The following NLGN3 variants were observed in gnomAD, a reference collection of about 807,000 sequenced individuals.
NLGN3 encodes the protein neuroligin 3.
In NLGN3, 11 loss-of-function variants were observed where a neutral mutation model predicts 42.9. That is an observed-to-expected ratio of 0.26 (90% CI 0.16 to 0.42). The LOEUF (loss-of-function observed/expected upper bound fraction) is 0.42, where lower values mean the gene tolerates loss of function less well. NLGN3 is among the 10% of genes least tolerant of loss of function. The pLI, the probability that NLGN3 is intolerant of heterozygous loss-of-function variation, is 1.00. For synonymous variants in NLGN3, 279 were observed against 312.7 expected (o/e 0.89, Z 1.14); for missense variants, 374 against 733.8 (o/e 0.51, Z 5.67).
At chrX:71,148,347 C>T in intron 2 of NLGN3, 141 bp downstream of exon 2, 1 of 506,095 alleles carries the variant, frequency 2.0e-6, no homozygotes, top group South Asian at 2.7e-5. Flanking sequence ...TGCTTGGCCT[C>T]CCACCCCCCT....
intron 5 of NLGN3, among the ~76,000 whole-genome samples, chrX:71,157,717 C>A (rs956200490): frequency 1.8e-5 from 2 of 111,449 alleles, no homozygotes; most frequent in Admixed American, 9.6e-5. Flanking sequence ...ATGCCCAGAA[C>A]GGCAATCTTC....
chrX:71,171,713 T>A, downstream of NLGN3: 2 of 725,910 alleles, frequency 2.8e-6, no homozygotes, highest in Non-Finnish European at 3.3e-6. Flanking sequence ...GGCCCTCTCC[T>A]TCCCCAGGGA....
At position 71,164,247 on chromosome X, in the gene NLGN3, G is replaced by A; in HGVS notation, c.832G>A (p.Asp278Asn). The change falls in exon 6 of 8, where the codon GAC (aspartate) becomes AAC (asparagine). Residue 278 changes from aspartate (D) to asparagine (N), a missense_variant. Physicochemically the swap from Asp to Asn is conservative, Grantham distance 23 (BLOSUM62 1). Transcript: ENST00000358741. ...VSENIAFFGG[D>N]PRRITVFGSG... ...CGAGAATATTGCCTTCTTCGGGGGAGACCCCCGCCGGATCACTGTCTTTGG... is the reference window on the plus strand; with the variant it reads ...CGAGAATATTGCCTTCTTCGGGGGAAACCCCCGCCGGATCACTGTCTTTGG... The A allele has an allele frequency of 8.3e-7, 1 of 1,211,994 alleles. No individual in the cohort carries two copies. The highest frequency in any genetic ancestry group is 1.1e-6 in the Non-Finnish European group (1 of 895,210).
At chrX:71,168,814 GAAA>G (rs200152352) in intron 7 of NLGN3, among the ~76,000 whole-genome samples, 1 of 40,457 alleles carries the variant, frequency 2.5e-5, no homozygotes, top group Non-Finnish European at 6.0e-5. Context: ...GAAAGAAAGA[GAAA>G]AAAAAAAGAA....
intron 5 of NLGN3, among the ~76,000 whole-genome samples, chrX:71,159,890 ATTTTTTT>A (rs748275369): frequency 4.2e-4 from 21 of 50,411 alleles, no homozygotes; most frequent in African/African-American, 1.3e-3. Context: ...ACGCCCAGCT[ATTTTTTT>A]TTTTTTTTTT....
At chrX:71,168,830 AAAGAAAGAAAG>A (rs1298743478) in intron 7 of NLGN3, among the ~76,000 whole-genome samples, 18 of 70,145 alleles carry the variant, frequency 2.6e-4, no homozygotes, top group Non-Finnish European at 4.5e-4. Context: ...AAAAAGAAAG[AAAGAAAGAAAG>A]AAAGAAAGAA....
At position 71,168,786 on chromosome X, in the gene NLGN3, GAA is replaced by G. The variant is rs201507476; in HGVS notation, c.1704-466_1704-465del. The stretch of plus-strand genomic sequence containing the variant: ...GAGAGAGAAAGAAAAAGGGAAGAAA[GAA>G]AGAAAGAGAGAGAAAGAAAGAAAGA... On this transcript the variant is annotated intron_variant, in intron 7 of 7. Coordinates refer to ENST00000358741, the MANE Select transcript of NLGN3 (RefSeq NM_181303.2). Among the ~76,000 whole-genome samples the G allele has an allele frequency of 3.0e-3, 184 of 61,748 alleles. 4 individuals carry two copies. The highest frequency in any genetic ancestry group is 0.012 in the African/African-American group (152 of 13,131). 53.6% of individuals were successfully genotyped at this position (61,748 alleles called of 115,157 possible).
Sources: allele counts gnomAD v4.1 joint callset (sites outside exome capture counted in the v4.1 genomes callset), GRCh38; gene constraint gnomAD v4.1.1; transcripts MANE v1.5; gene names NCBI Gene and HGNC (gene_info 2026-07-23, HGNC 2026-07-21).